Variants in TMEM179 observed in about 807,000 individuals in gnomAD.
TMEM179 encodes transmembrane protein 179A.
A neutral mutation model predicts 22.2 loss-of-function variants in TMEM179; 17 were observed. The observed-to-expected ratio is 0.77, with a 90% CI of 0.52 to 1.15. The LOEUF (loss-of-function observed/expected upper bound fraction) is 1.15, where lower values mean the gene tolerates loss of function less well. Among genes scored for constraint, TMEM179 ranks in the 50% most tolerant of loss-of-function variants. The pLI is 0.00. For missense variants in TMEM179, 265 were observed against 313.6 expected, an observed-to-expected ratio of 0.84 and a Z score of 1.17; for synonymous variants, 127 against 140.5, an observed-to-expected ratio of 0.90 and a Z score of 0.68.
At chr14:104,599,450 C>A (rs376916484) in intron 1 of TMEM179, among the ~76,000 whole-genome samples, 300 of 152,336 alleles carry the variant, frequency 2.0e-3, no homozygotes, top group Admixed American at 3.7e-3. Flanking sequence ...CCTCCACTGA[C>A]CCCATGAACC....
intron 1 of TMEM179, among the ~76,000 whole-genome samples, chr14:104,601,483 A>T (rs540388176): frequency 2.6e-4 from 40 of 152,298 alleles, no homozygotes; most frequent in African/African-American, 9.1e-4. Flanking sequence ...GGGGGGACCC[A>T]TGGCCTGAGA....
intron 1 of TMEM179, among the ~76,000 whole-genome samples, chr14:104,602,657 G>A (rs1887277639): frequency 6.6e-6 from 1 of 152,238 alleles, no homozygotes; most frequent in African/African-American, 2.4e-5. Flanking sequence ...CACCAGCCCT[G>A]GAGTGGGCTG....
intron 1 of TMEM179, among the ~76,000 whole-genome samples, chr14:104,598,071 A>T (rs935119993): frequency 5.3e-5 from 8 of 152,208 alleles, no homozygotes; most frequent in Non-Finnish European, 1.2e-4. Flanking sequence ...GATACCGGGC[A>T]GGTGGTCGGG....
In TMEM179 at chr14:104,604,552, C is replaced by G. The variant is rs1887357338; in HGVS notation, c.190G>C (p.Glu64Gln). The change falls in exon 1 of 4, where the codon GAG becomes CAG. Residue 64 changes from glutamate (E) to glutamine (Q), a missense_variant. Glu to Gln is a conservative substitution (Grantham distance 29). Coordinates refer to ENST00000556573, the MANE Select transcript of TMEM179 (RefSeq NM_001286389.2). The surrounding 1 kb of genome is among the most constrained non-coding windows in gnomAD (Gnocchi z 4.6). Reference sequence around the variant, plus strand: ...CGGCAGGCGGCCGGCGGGCCCCACTCCTGCACCGTGAAGCGCTCGCGCTCC... The same window carrying G: ...CGGCAGGCGGCCGGCGGGCCCCACTGCTGCACCGTGAAGCGCTCGCGCTCC... The part of the protein sequence containing the change: ...VQERERFTVQ[E>Q]WGPPAACRFS... 1 of 1,536,158 alleles carries G rather than the reference C, an allele frequency of 6.5e-7. No individual in the cohort carries two copies. Among genetic ancestry groups the G allele is most frequent in the Non-Finnish European group, 8.7e-7 (1 of 1,144,516 alleles).
At chr14:104,600,371 A>C (rs1887193225) in intron 1 of TMEM179, among the ~76,000 whole-genome samples, 1 of 152,190 alleles carries the variant, frequency 6.6e-6, no homozygotes, top group African/African-American at 2.4e-5. Flanking sequence ...TGTCCTGGAA[A>C]GCCCAGCAAT....
At chr14:104,594,234 T>C (rs1280905749) in intron 3 of TMEM179, 2 of 1,231,728 alleles carry the variant, frequency 1.6e-6, no homozygotes, top group African/African-American at 3.1e-5. Context: ...TCACTAAATT[T>C]GCATGAAGGT....
At chr14:104,599,284 G>A (rs1486116274) in intron 1 of TMEM179, among the ~76,000 whole-genome samples, 4 of 149,046 alleles carry the variant, frequency 2.7e-5, no homozygotes, top group African/African-American at 5.0e-5. Flanking sequence ...CAATGGCCCC[G>A]TGCCCTCTGG....
intron 1 of TMEM179, among the ~76,000 whole-genome samples, chr14:104,602,683 C>T (rs1193706696): frequency 6.6e-6 from 1 of 152,218 alleles, no homozygotes; most frequent in Non-Finnish European, 1.5e-5. Context: ...AGGAGGACGG[C>T]TGCAAATGGG....
chr14:104,599,223 T>C (rs578123368), intron 1 of TMEM179, among the ~76,000 whole-genome samples: 1 of 150,826 alleles, frequency 6.6e-6, no homozygotes, highest in East Asian at 2.0e-4. Flanking sequence ...CTCTTCAGAG[T>C]GCGTCTCCTT....
At chr14:104,599,758 T>C (rs1887175600) in intron 1 of TMEM179, among the ~76,000 whole-genome samples, 1 of 152,118 alleles carries the variant, frequency 6.6e-6, no homozygotes, top group African/African-American at 2.4e-5. Flanking sequence ...GGTCCACACC[T>C]TTCAGCCTCC....
At chr14:104,596,779 C>G (rs72713824) in intron 2 of TMEM179, among the ~76,000 whole-genome samples, 1,704 of 152,280 alleles carry the variant, frequency 0.011, 3 homozygotes, top group Non-Finnish European at 0.02. Flanking sequence ...ATGCTGCCGG[C>G]TCCTAGGGCG....
chr14:104,591,505 A>G lies in TMEM179; in HGVS notation c.*1974T>C. On this transcript the variant is annotated 3_prime_UTR_variant, in exon 4 of 4. Transcript: ENST00000556573. ...TTAGGGGGCCTCGGATTCTGTCCAA[A>G]CCCCTTCCCTCGAGGACCTGGCTGC... is the stretch of plus-strand genomic sequence containing the variant. 2.3e-6 allele frequency: 1 copy of G among 426,188 alleles called. No homozygotes were observed. Among genetic ancestry groups the G allele is most frequent in the Non-Finnish European group, 4.7e-6 (1 of 213,284 alleles). The allele number at this position is 426,188 out of a possible 1,614,324, so 26.4% of individuals were successfully genotyped here. A position where few individuals can be genotyped will look rare whatever the true frequency, so the allele number is the denominator to read the frequency against.
Position 104,593,164 on chromosome 14 carries a change from T to C in TMEM179, c.*315A>G. The C allele has an allele frequency of 2.3e-6, 1 of 434,892 alleles. No homozygotes were observed. The highest frequency in any genetic ancestry group is 4.1e-6 in the Non-Finnish European group (1 of 242,284). The allele number at this position is 434,892 out of a possible 1,614,324, so 26.9% of individuals were successfully genotyped here. On this transcript the variant is annotated 3_prime_UTR_variant, in exon 4 of 4. Coordinates refer to ENST00000556573, the MANE Select transcript of TMEM179 (RefSeq NM_001286389.2). The stretch of plus-strand genomic sequence containing the variant: ...GGAGACAAGCTGGACGCCCTCCACA[T>C]AGGCTGGCCAGTCAGGTCCTACTGG...
chr14:104,595,240 A>G lies in TMEM179; in HGVS notation c.447T>C (p.Cys149=), dbSNP rs146994685. 1.2e-6 allele frequency: 2 copies of G among 1,612,506 alleles called. No individual in the cohort carries two copies. Among genetic ancestry groups the G allele is most frequent in the African/African-American group, 2.7e-5 (2 of 74,872 alleles). ...ITEKGTVPHS[C]EELQDIDLEL... is the part of the protein sequence containing the mutation. The stretch of plus-strand genomic sequence containing the variant: ...CCAAGTCGATGTCCTGGAGCTCTTC[A>G]CAGCTAAAACAGCAGGACATAGGGT... The change falls in exon 3 of 4, where the codon TGT becomes TGC. Residue 149 remains cysteine (C), a synonymous_variant. Coordinates refer to ENST00000556573, the MANE Select transcript of TMEM179 (RefSeq NM_001286389.2). This position sits in a 1 kb window ranked among gnomAD's most constrained non-coding sequence, Gnocchi z 5.7.
chr14:104,604,372 G>A lies in TMEM179; in HGVS notation c.305+65C>T. ...CGGAGGGACTCGCGCGCCTCCCCGG[G>A]GAGGTGGGTCTGGGGGCGCTGGGGG... On this transcript the variant is annotated intron_variant, in intron 1 of 3. Coordinates refer to ENST00000556573, the MANE Select transcript of TMEM179 (RefSeq NM_001286389.2). The surrounding 1 kb of genome is among the most constrained non-coding windows in gnomAD (Gnocchi z 4.6). 1 of 1,410,582 alleles carries A rather than the reference G, an allele frequency of 7.1e-7. No individual in the cohort carries two copies. Among genetic ancestry groups the A allele is most frequent in the Non-Finnish European group, 9.2e-7 (1 of 1,086,940 alleles). 87.4% of individuals were successfully genotyped at this position (1,410,582 alleles called of 1,614,324 possible).
At position 104,600,395 on chromosome 14, in the gene TMEM179, G is replaced by A. The variant is rs151023710; in HGVS notation, c.306-3268C>T. ...AAGCCCAGCAATGTGAAGGCTCAGC[G>A]CCGGCACGGGCAGGCAGATGAGTTT... On this transcript the variant is annotated intron_variant, in intron 1 of 3. Transcript: ENST00000556573. 1.2e-3 allele frequency among the ~76,000 whole-genome samples: 178 copies of A among 152,310 alleles called. 1 individual carries two copies. Among genetic ancestry groups the A allele is most frequent in the African/African-American group, 4.0e-3 (165 of 41,562 alleles).
rs532756931 is a variant in TMEM179 at position 104,592,414 on chromosome 14, A to G, written c.*1065T>C. The G allele has an allele frequency of 1.2e-4, 18 of 153,182 alleles. No individual in the cohort carries two copies. In the South Asian group the frequency reaches 2.9e-3, roughly 25 times the overall value. 9.5% of individuals were successfully genotyped at this position (153,182 alleles called of 1,614,324 possible). On this transcript the variant is annotated 3_prime_UTR_variant, in exon 4 of 4. Coordinates refer to ENST00000556573, the MANE Select transcript of TMEM179 (RefSeq NM_001286389.2). Reference sequence around the variant, plus strand: ...TGCAGTCACACCCACATGCACACTCATGCACAATCACATCCTCCCAGGCAG... The same window carrying G: ...TGCAGTCACACCCACATGCACACTCGTGCACAATCACATCCTCCCAGGCAG...
chr14:104,601,444 T>C (rs1489167460), intron 1 of TMEM179, among the ~76,000 whole-genome samples: 1 of 152,202 alleles, frequency 6.6e-6, no homozygotes, highest in Admixed American at 6.5e-5. Flanking sequence ...TTCACCCAGC[T>C]GTGGGTCCCC....
At chr14:104,593,705 G>A in intron 3 of TMEM179, 47 bp from the exon 4 acceptor site, 2 of 1,434,570 alleles carry the variant, frequency 1.4e-6, no homozygotes, top group East Asian at 2.5e-5. Flanking sequence ...GGGGTCCGCT[G>A]TCAGTGCAAC....
Sources: gnomAD v4.1 joint callset for allele counts (sites outside exome capture counted in the v4.1 genomes callset) on GRCh38, gnomAD v4.1.1 for gene constraint, Gnocchi (gnomAD v3.1) non-coding constraint, MANE v1.5 for transcripts, NCBI Gene and HGNC (gene_info 2026-07-23, HGNC 2026-07-21) for gene names.